Variants in CCDC171 observed in about 807,000 individuals in gnomAD.
CCDC171 encodes the protein coiled-coil domain-containing protein 171.
A neutral mutation model predicts 168.2 loss-of-function variants in CCDC171; 177 were observed. The ratio of observed to expected loss-of-function variants is 1.05; its 90% CI spans 0.93 to 1.19. The LOEUF is 1.19. CCDC171 is among the 50% of genes most tolerant of loss of function. CCDC171 has a pLI of 0.00. For missense variants in CCDC171, 1,991 were observed against 1,539.0 expected, an observed-to-expected ratio of 1.29 and a Z score of -4.91; for synonymous variants, 687 against 540.8, an observed-to-expected ratio of 1.27 and a Z score of -3.75.
intron 6 of CCDC171, among the ~76,000 whole-genome samples, chr9:15,600,449 C>T (rs753858290): frequency 2.0e-5 from 3 of 152,176 alleles, no homozygotes; most frequent in African/African-American, 4.8e-5. Flanking sequence ...TGCAGAACAG[C>T]AGATATTGGT....
chr9:15,807,899 G>A (rs2059152325), intron 21 of CCDC171, among the ~76,000 whole-genome samples: 1 of 151,352 alleles, frequency 6.6e-6, no homozygotes, highest in Non-Finnish European at 1.5e-5. Flanking sequence ...CAGGAAGAAA[G>A]CCAGATGATT....
chr9:15,707,942 G>A (rs1191662145), intron 11 of CCDC171, among the ~76,000 whole-genome samples: 1 of 152,180 alleles, frequency 6.6e-6, no homozygotes, highest in African/African-American at 2.4e-5. Flanking sequence ...CCACCTCCTG[G>A]GTTTAAGCAC....
At chr9:15,986,022 C>T (rs937013626) in intron 3 of CCDC171, among the ~76,000 whole-genome samples, 2 of 152,132 alleles carry the variant, frequency 1.3e-5, no homozygotes, top group African/African-American at 4.8e-5. Context: ...AAATGATGAA[C>T]AAGAAGGCAT....
intron 25 of CCDC171, among the ~76,000 whole-genome samples, chr9:15,968,799 A>T (rs1831063044): frequency 6.6e-6 from 1 of 152,156 alleles, no homozygotes; most frequent in Non-Finnish European, 1.5e-5. Flanking sequence ...TCGGCCTCCC[A>T]AAGTGCTGGG....
chr9:15,824,458 T>G (rs1031581170), intron 21 of CCDC171, among the ~76,000 whole-genome samples: 1 of 151,990 alleles, frequency 6.6e-6, no homozygotes, highest in Non-Finnish European at 1.5e-5. Context: ...CAGTCTTCTA[T>G]TGGTGCTTTG....
intron 21 of CCDC171, among the ~76,000 whole-genome samples, chr9:15,835,163 T>TA (rs1372690723): frequency 2.6e-5 from 4 of 152,234 alleles, no homozygotes; most frequent in Admixed American, 6.5e-5. Flanking sequence ...TAAGAAATAC[T>TA]AAGGCCCTAT....
rs564999667 is a variant in CCDC171 at position 15,748,908 on chromosome 9, G to C, written c.2671+3277G>C. ...AGATGCTATGAAGAAACTGCATCAA[G>C]TAACGGGCAAAATAACCAGCTAACA... On this transcript the variant is annotated intron_variant, in intron 18 of 25. Transcript: ENST00000380701. Among the ~76,000 whole-genome samples the C allele has an allele frequency of 1.4e-4, 22 of 152,248 alleles. 1 individual carries two copies. The South Asian group carries it at 4.4e-3, about 30-fold the overall frequency.
intron 3 of CCDC171, among the ~76,000 whole-genome samples, chr9:16,001,958 C>T (rs1832559315): frequency 6.6e-6 from 1 of 150,964 alleles, no homozygotes; most frequent in Non-Finnish European, 1.5e-5. Flanking sequence ...CCACCTCAGC[C>T]TCCGAGTAGC....
At chr9:15,610,338 G>C (rs1450391431) in intron 6 of CCDC171, among the ~76,000 whole-genome samples, 1 of 149,800 alleles carries the variant, frequency 6.7e-6, no homozygotes, top group African/African-American at 2.5e-5. Context: ...TGGGCGCGAT[G>C]GCTCATGCCT....
intron 24 of CCDC171, chr9:15,886,780 A>ACACC (rs1819469571): frequency 6.6e-6 from 1 of 151,472 alleles, no homozygotes; most frequent in Non-Finnish European, 1.5e-5. Context: ...ACACACACAC[A>ACACC]CACACCCAGA....
chr9:15,754,154 G>C (rs2055940807), intron 18 of CCDC171, among the ~76,000 whole-genome samples: 1 of 152,162 alleles, frequency 6.6e-6, no homozygotes, highest in African/African-American at 2.4e-5. Context: ...AAAACCATAA[G>C]AGCTTATATA....
At chr9:15,595,052 T>C (rs2042242291) in intron 6 of CCDC171, among the ~76,000 whole-genome samples, 1 of 152,150 alleles carries the variant, frequency 6.6e-6, no homozygotes, top group African/African-American at 2.4e-5. Flanking sequence ...GAATGAAAAA[T>C]ATCCACATAT....
intron 1 of CCDC171, among the ~76,000 whole-genome samples, chr9:16,043,482 G>A (rs972723247): frequency 4.6e-5 from 7 of 152,158 alleles, no homozygotes; most frequent in African/African-American, 1.7e-4. Flanking sequence ...CAGTTATGAA[G>A]CAGATTTCGT....
the CCDC171 span, among the ~76,000 whole-genome samples, chr9:16,082,394 G>A: frequency 6.6e-6 from 1 of 152,186 alleles, no homozygotes; most frequent in African/African-American, 2.4e-5. Context: ...AGTTTTAGAT[G>A]TTCGGTCTCT....
rs1554770008 is a variant in CCDC171, at chr9:15,706,240, CCTTG to C, written c.1318+10907_1318+10910del. On this transcript the variant is annotated intron_variant, in intron 11 of 25. Transcript: ENST00000380701. The stretch of plus-strand genomic sequence containing the variant: ...GTCTTCCTTCCTTCCTTCCTTCCTT[CCTTG>C]CTTCCTTCCTTCCTTCCTTCCTTCC... Among the ~76,000 whole-genome samples the C allele has an allele frequency of 2.3e-3, 336 of 148,660 alleles. 4 individuals carry two copies. The highest frequency in any genetic ancestry group is 7.4e-3 in the African/African-American group (289 of 39,088).
the CCDC171 span, among the ~76,000 whole-genome samples, chr9:16,104,025 G>T: frequency 6.6e-6 from 1 of 152,204 alleles, no homozygotes; most frequent in Non-Finnish European, 1.5e-5. Flanking sequence ...TTGGCAGAGA[G>T]GCTGTGGCTT....
chr9:15,674,498 G>A (rs1333514541), intron 9 of CCDC171, among the ~76,000 whole-genome samples: 2 of 152,248 alleles, frequency 1.3e-5, no homozygotes, highest in South Asian at 2.1e-4. Context: ...TGGGCATTTA[G>A]TGCTGTAAAT....
chr9:15,672,974 T>C (rs2049233592), intron 9 of CCDC171, among the ~76,000 whole-genome samples: 1 of 152,228 alleles, frequency 6.6e-6, no homozygotes, highest in South Asian at 2.1e-4. Flanking sequence ...ATATTGATTC[T>C]TCCTATCCAT....
intron 18 of CCDC171, among the ~76,000 whole-genome samples, chr9:15,771,049 T>C (rs796745685): frequency 5.1e-4 from 78 of 152,336 alleles, no homozygotes; most frequent in African/African-American, 1.6e-3. Flanking sequence ...TAATTGTATT[T>C]AGTTACATAC....
Sources: gnomAD v4.1 joint callset for allele counts (sites outside exome capture counted in the v4.1 genomes callset) on GRCh38, gnomAD v4.1.1 for gene constraint, MANE v1.5 for transcripts, NCBI Gene and HGNC (gene_info 2026-07-23, HGNC 2026-07-21) for gene names.